Variants in PIBF1 observed in about 807,000 individuals in gnomAD.
The protein encoded by PIBF1 is progesterone-induced-blocking factor 1.
Under a neutral mutation model 112.5 loss-of-function variants are expected in PIBF1, and 90 were observed. That is an observed-to-expected ratio of 0.80 (90% CI 0.67 to 0.95). The LOEUF is 0.95. Ranked by LOEUF, PIBF1 falls within the 40% of genes least tolerant of loss-of-function variation. The pLI, the probability that PIBF1 is intolerant of heterozygous loss-of-function variation, is 0.00. For synonymous variants in PIBF1, 301 were observed against 288.6 expected (o/e 1.04, Z -0.44); for missense variants, 915 against 852.3 (o/e 1.07, Z -0.92).
At chr13:72,883,902 A>G (rs1001956346) in intron 10 of PIBF1, among the ~76,000 whole-genome samples, 2 of 152,184 alleles carry the variant, frequency 1.3e-5, no homozygotes, top group African/African-American at 4.8e-5. Flanking sequence ...CAACATTGCA[A>G]AACCCCGTCT....
At position 72,952,139 on chromosome 13, in the gene PIBF1, G is replaced by A. The variant is rs956150698; in HGVS notation, c.1834-13135G>A. On this transcript the variant is annotated intron_variant, in intron 14 of 17. Coordinates refer to ENST00000326291, the MANE Select transcript of PIBF1 (RefSeq NM_006346.4). ...AACCTCTGTCTCCTCAGTTCAAGCT[G>A]TTCTGCCAGGTTCAAGCGATTATCC... 2.1e-5 allele frequency among the ~76,000 whole-genome samples: 3 copies of A among 146,110 alleles called. No individual in the cohort carries two copies. In the Admixed American group the frequency reaches 2.1e-4, roughly 10 times the overall value.
At chr13:72,927,421 G>A (rs1193916885) in intron 13 of PIBF1, among the ~76,000 whole-genome samples, 2 of 152,038 alleles carry the variant, frequency 1.3e-5, no homozygotes, top group Non-Finnish European at 2.9e-5. Context: ...GGAGAATGGC[G>A]CGAACCCGGG....
intron 10 of PIBF1, among the ~76,000 whole-genome samples, chr13:72,857,857 C>A (rs2038499306): frequency 2.0e-5 from 3 of 152,086 alleles, no homozygotes; most frequent in African/African-American, 7.2e-5. Flanking sequence ...AAAACAAAAA[C>A]AAAAACAAAC....
At chr13:72,990,912 G>A (rs2043459972) in intron 16 of PIBF1, among the ~76,000 whole-genome samples, 1 of 152,154 alleles carries the variant, frequency 6.6e-6, no homozygotes, top group Non-Finnish European at 1.5e-5. Context: ...AAACAAGACT[G>A]GTTTTTACCT....
chr13:72,916,759 A>G (rs1229279763), intron 12 of PIBF1, among the ~76,000 whole-genome samples: 2 of 152,130 alleles, frequency 1.3e-5, no homozygotes, highest in Non-Finnish European at 1.5e-5. Flanking sequence ...TTGTTATATT[A>G]CATAGCATAT....
In PIBF1 at chr13:72,843,991, G is replaced by A. The variant is rs756327625; in HGVS notation, c.1223+8623G>A. On this transcript the variant is annotated intron_variant, in intron 9 of 17. Transcript: ENST00000326291. ...TTATCAACCTTTAAATTAACATCACGTTTTAATTTACATTTTCATATTTAG... is the reference window on the plus strand; with the variant it reads ...TTATCAACCTTTAAATTAACATCACATTTTAATTTACATTTTCATATTTAG... Among the ~76,000 whole-genome samples the A allele has an allele frequency of 5.3e-5, 8 of 152,068 alleles. No individual in the cohort carries two copies. The East Asian group carries it at 5.8e-4, about 11-fold the overall frequency.
At chr13:72,828,267 C>CTTTTTTTTTTTTTT (rs780999187) in intron 8 of PIBF1, among the ~76,000 whole-genome samples, 1 of 123,668 alleles carries the variant, frequency 8.1e-6, no homozygotes. Flanking sequence ...GATATGTTTG[C>CTTTTTTTTTTTTTT]TTTTTTTTTT....
chr13:72,861,725 C>G (rs528372489), intron 10 of PIBF1, among the ~76,000 whole-genome samples: 1 of 152,018 alleles, frequency 6.6e-6, no homozygotes, highest in African/African-American at 2.4e-5. Flanking sequence ...GCCACCACAC[C>G]TGGCTAATTT....
chr13:72,988,037 AT>A (rs1402809273), intron 16 of PIBF1, among the ~76,000 whole-genome samples: 6 of 149,434 alleles, frequency 4.0e-5, no homozygotes, highest in Non-Finnish European at 8.9e-5. Context: ...TAATTTTTGT[AT>A]TTTTAGTAGA....
chr13:73,012,189 T>C (rs1296417082), intron 17 of PIBF1, among the ~76,000 whole-genome samples: 1 of 151,940 alleles, frequency 6.6e-6, no homozygotes, highest in Non-Finnish European at 1.5e-5. Context: ...CCATCTCTAC[T>C]AAAAGTACAA....
chr13:72,791,861 C>T (rs1013949168), intron 2 of PIBF1, among the ~76,000 whole-genome samples: 10 of 151,804 alleles, frequency 6.6e-5, no homozygotes, highest in African/African-American at 1.9e-4. Flanking sequence ...CTTGAACTCC[C>T]GACCTCAAGT....
At chr13:72,787,469 A>G (rs1014592698) in intron 2 of PIBF1, among the ~76,000 whole-genome samples, 4 of 152,122 alleles carry the variant, frequency 2.6e-5, no homozygotes, top group South Asian at 4.1e-4. Context: ...TGGTGTTTCA[A>G]TGAGGTCCAG....
At chr13:73,000,580 A>G (rs1358557797) in intron 17 of PIBF1, among the ~76,000 whole-genome samples, 3 of 152,202 alleles carry the variant, frequency 2.0e-5, no homozygotes, top group African/African-American at 4.8e-5. Flanking sequence ...ATTATAATCT[A>G]TAGGAAGAAA....
chr13:72,856,921 C>T (rs558491959), intron 10 of PIBF1, among the ~76,000 whole-genome samples: 1 of 152,278 alleles, frequency 6.6e-6, no homozygotes, highest in African/African-American at 2.4e-5. Flanking sequence ...TACATTTACT[C>T]TTCCATATAA....
rs749869200 is a variant in PIBF1 at position 72,908,621 on chromosome 13, C to G, written c.1579C>G (p.Leu527Val). The G allele has an allele frequency of 6.2e-7, 1 of 1,613,018 alleles. No individual in the cohort carries two copies. The highest frequency in any genetic ancestry group is 8.5e-7 in the Non-Finnish European group (1 of 1,179,240). ...ACAGAACTCAGAGCATCAAGCAAGG[C>G]TAGACATTTATGAGAAACTGGAAAA... is the stretch of plus-strand genomic sequence containing the variant. Reference protein sequence around the residue: ...QAQNSEHQARLDIYEKLEKEL... With the variant: ...QAQNSEHQARVDIYEKLEKEL... Residue 527 changes from leucine (L) to valine (V), a missense_variant, in exon 12 of 18, where the codon CTA becomes GTA. Leu to Val is a conservative substitution (Grantham distance 32). Coordinates refer to ENST00000326291, the MANE Select transcript of PIBF1 (RefSeq NM_006346.4).
At chr13:72,793,376 G>C (rs2035031702) in intron 3 of PIBF1, among the ~76,000 whole-genome samples, 1 of 152,104 alleles carries the variant, frequency 6.6e-6, no homozygotes, top group Non-Finnish European at 1.5e-5. Flanking sequence ...TATCACACTA[G>C]ATTAGTGGAC....
At chr13:72,887,592 C>A (rs1181086434) in intron 10 of PIBF1, among the ~76,000 whole-genome samples, 3 of 151,846 alleles carry the variant, frequency 2.0e-5, no homozygotes, top group Non-Finnish European at 4.4e-5. Context: ...TATATCTAAG[C>A]CAAAATTATT....
intron 13 of PIBF1, among the ~76,000 whole-genome samples, chr13:72,926,021 C>T (rs2041472848): frequency 6.6e-6 from 1 of 152,052 alleles, no homozygotes; most frequent in African/African-American, 2.4e-5. Context: ...TGAGGATTTA[C>T]TCATATGTTT....
chr13:72,916,397 A>AATATATAT (rs10665584), intron 12 of PIBF1, among the ~76,000 whole-genome samples: 2 of 138,152 alleles, frequency 1.4e-5, no homozygotes, highest in African/African-American at 6.2e-5. Flanking sequence ...CATCTCAAAA[A>AATATATAT]ATATATATAT....
Sources: gnomAD v4.1 joint callset for allele counts (sites outside exome capture counted in the v4.1 genomes callset) on GRCh38, gnomAD v4.1.1 for gene constraint, MANE v1.5 for transcripts, NCBI Gene and HGNC (gene_info 2026-07-23, HGNC 2026-07-21) for gene names.